The following ISM2 variants were observed in gnomAD, a reference collection of about 807,000 sequenced individuals.
ISM2 encodes isthmin-2.
Under a neutral mutation model 58.0 loss-of-function variants are expected in ISM2, and 50 were observed. That is an observed-to-expected ratio of 0.86 (90% CI 0.69 to 1.09). The LOEUF is 1.09. Among genes scored for constraint, ISM2 ranks in the 50% least tolerant of loss-of-function variants. The pLI is 0.00. For missense variants in ISM2, 723 were observed against 745.0 expected, an observed-to-expected ratio of 0.97 and a Z score of 0.34; for synonymous variants, 303 against 312.4, an observed-to-expected ratio of 0.97 and a Z score of 0.32.
At chr14:77,496,844 G>C (rs544514643) in intron 1 of ISM2, among the ~76,000 whole-genome samples, 3 of 145,546 alleles carry the variant, frequency 2.1e-5, no homozygotes, top group African/African-American at 5.1e-5. Context: ...AAATTCATGG[G>C]GAGTGGGGAC....
chr14:77,486,975 C>A (rs1594951549), intron 1 of ISM2, among the ~76,000 whole-genome samples: 1 of 151,880 alleles, frequency 6.6e-6, no homozygotes, highest in Non-Finnish European at 1.5e-5. Flanking sequence ...GGCACGGTGG[C>A]TCACGCCTGT....
At chr14:77,491,314 C>A (rs1052918048) in intron 1 of ISM2, among the ~76,000 whole-genome samples, 1 of 152,240 alleles carries the variant, frequency 6.6e-6, no homozygotes, top group Admixed American at 6.5e-5. Flanking sequence ...CAGCACAAAC[C>A]ACCCCCATCC....
chr14:77,482,353 C>G lies in ISM2; in HGVS notation c.942G>C (p.Gly314=), dbSNP rs563368994. ...DNWDQGWLAP[G]DWVFKDSVSY... ...TGACAGAATCCTTGAAGACCCAATCCCCGGGGGCCAGCCAGCCCTGGTCCC... is the reference window on the plus strand; with the variant it reads ...TGACAGAATCCTTGAAGACCCAATCGCCGGGGGCCAGCCAGCCCTGGTCCC... Residue 314 remains glycine (G), a synonymous_variant, in exon 4 of 7, where the codon GGG becomes GGC. Coordinates refer to ENST00000342219, the MANE Select transcript of ISM2 (RefSeq NM_199296.3). 1.2e-6 allele frequency: 2 copies of G among 1,613,860 alleles called. No individual in the cohort carries two copies. The highest frequency in any genetic ancestry group is 1.7e-5 in the Admixed American group (1 of 60,002).
intron 3 of ISM2, 60 bp downstream of exon 3, chr14:77,484,263 T>C (rs2079151473): frequency 6.3e-7 from 1 of 1,575,050 alleles, no homozygotes; most frequent in Non-Finnish European, 8.6e-7. Context: ...TGAGCCCACC[T>C]TGTCAGCCCC....
chr14:77,486,027 A>G (rs2079165516), intron 1 of ISM2, among the ~76,000 whole-genome samples: 1 of 152,192 alleles, frequency 6.6e-6, no homozygotes, highest in Non-Finnish European at 1.5e-5. Context: ...TAAACACTTC[A>G]TCACTCATTT....
intron 4 of ISM2, among the ~76,000 whole-genome samples, chr14:77,480,332 AC>A (rs1234817883): frequency 1.3e-5 from 2 of 150,820 alleles, no homozygotes; most frequent in Non-Finnish European, 3.0e-5. Flanking sequence ...TTTCCCTGCT[AC>A]CCATATTAGG....
In ISM2 at chr14:77,474,471, C is replaced by T. The variant is rs1414550983; in HGVS notation, c.*1124G>A. ...CATCTGGGGGCTAGGACTGAAGTCC[C>T]CTAACTTTTGGTGGCTCTTGTGAAC... is the stretch of plus-strand genomic sequence containing the variant. On this transcript the variant is annotated 3_prime_UTR_variant, in exon 7 of 7. Transcript: ENST00000342219. The T allele has an allele frequency of 2.0e-5, 3 of 152,158 alleles. No individual in the cohort carries two copies. The highest frequency in any genetic ancestry group is 2.9e-5 in the Non-Finnish European group (2 of 68,036). 9.4% of individuals were successfully genotyped at this position (152,158 alleles called of 1,614,324 possible). A position where few individuals can be genotyped will look rare whatever the true frequency, so the allele number is the denominator to read the frequency against.
chr14:77,481,076 A>C (rs2079129319), intron 4 of ISM2, among the ~76,000 whole-genome samples: 1 of 151,890 alleles, frequency 6.6e-6, no homozygotes, highest in South Asian at 2.1e-4. Flanking sequence ...ACGGTGGCTC[A>C]TGCCTGTAAT....
intron 1 of ISM2, among the ~76,000 whole-genome samples, chr14:77,490,670 A>G (rs1368738749): frequency 6.6e-6 from 1 of 152,202 alleles, no homozygotes; most frequent in East Asian, 1.9e-4. Context: ...GCGGTGCTGA[A>G]TGTGCTGGAT....
At chr14:77,496,162 C>A (rs2079238399) in intron 1 of ISM2, among the ~76,000 whole-genome samples, 1 of 147,296 alleles carries the variant, frequency 6.8e-6, no homozygotes, top group African/African-American at 2.5e-5. Context: ...ATGCAGTGAG[C>A]CGAGATTGAG....
At chr14:77,497,781 A>C (rs370464824) in intron 1 of ISM2, among the ~76,000 whole-genome samples, 1 of 97,402 alleles carries the variant, frequency 1.0e-5, no homozygotes. Context: ...GAAGGAAGGA[A>C]GGAAGGAAGG....
In ISM2 at chr14:77,475,646, G is replaced by A. The variant is rs763077922; in HGVS notation, c.1665C>T (p.Asn555=). The change falls in exon 7 of 7, where the codon AAC becomes AAT. Residue 555 remains asparagine (N), a synonymous_variant. Transcript: ENST00000342219. This position sits in a 1 kb window ranked among gnomAD's most constrained non-coding sequence, Gnocchi z 4.1. ...GTGCTAGGTACTCCTCCTCCAGGGG[G>A]TTGTCGGTGCAGGCTCGGCCGTTGT... The part of the protein sequence containing the change: ...PPNNGRACTD[N]PLEEEYLAQL... 4.3e-6 allele frequency: 7 copies of A among 1,611,932 alleles called. No homozygotes were observed. Among genetic ancestry groups the A allele is most frequent in the Non-Finnish European group, 4.2e-6 (5 of 1,178,744 alleles).
chr14:77,478,194 A>C, intron 6 of ISM2, 48 bp downstream of exon 6: 2 of 1,492,494 alleles, frequency 1.3e-6, no homozygotes, highest in East Asian at 2.3e-5. Flanking sequence ...CCCTCCCCTG[A>C]GAGCTCGTTC....
At chr14:77,480,109 A>G (rs1361091973) in intron 4 of ISM2, among the ~76,000 whole-genome samples, 1 of 152,058 alleles carries the variant, frequency 6.6e-6, no homozygotes, top group East Asian at 1.9e-4. Flanking sequence ...GCTTAAACTC[A>G]GGAGTTCGAG....
Position 77,475,306 on chromosome 14 carries a change from T to TCCCAGCAGGCAGCAGAGGGAGGC in ISM2, c.*266_*288dup, listed in dbSNP as rs2139950815. 3.8e-6 allele frequency: 1 copy of TCCCAGCAGGCAGCAGAGGGAGGC among 264,828 alleles called. No homozygotes were observed. Among genetic ancestry groups the TCCCAGCAGGCAGCAGAGGGAGGC allele is most frequent in the East Asian group, 7.3e-5 (1 of 13,710 alleles). The allele number at this position is 264,828 out of a possible 1,614,324, so 16.4% of individuals were successfully genotyped here. On this transcript the variant is annotated 3_prime_UTR_variant, in exon 7 of 7. Transcript: ENST00000342219. This position sits in a 1 kb window ranked among gnomAD's most constrained non-coding sequence, Gnocchi z 4.1. ...GGAGGAGAAAAATGAGTGGCCAGGG[T>TCCCAGCAGGCAGCAGAGGGAGGC]CCCAGCAGGCAGCAGAGGGAGGCCC...
chr14:77,488,537 TC>T (rs1208108372), intron 1 of ISM2, among the ~76,000 whole-genome samples: 2 of 152,204 alleles, frequency 1.3e-5, no homozygotes, highest in African/African-American at 4.8e-5. Flanking sequence ...TGACCGGGGT[TC>T]AATCCCAACA....
chr14:77,491,372 C>T (rs2079202818), intron 1 of ISM2, among the ~76,000 whole-genome samples: 1 of 152,236 alleles, frequency 6.6e-6, no homozygotes, highest in African/African-American at 2.4e-5. Flanking sequence ...AGTCCTCTCT[C>T]AGGTCTCCTC....
chr14:77,496,968 A>T (rs1264361587), intron 1 of ISM2, among the ~76,000 whole-genome samples: 1 of 151,896 alleles, frequency 6.6e-6, no homozygotes, highest in African/African-American at 2.4e-5. Context: ...CGGCCTTTGG[A>T]GGGTTTCAGC....
intron 1 of ISM2, among the ~76,000 whole-genome samples, chr14:77,492,309 T>G (rs1201169629): frequency 1.3e-5 from 2 of 152,164 alleles, no homozygotes; most frequent in Non-Finnish European, 2.9e-5. Context: ...TAAGCAAAAC[T>G]GAGTGGGGAT....
Sources: gnomAD v4.1 joint callset for allele counts (sites outside exome capture counted in the v4.1 genomes callset) on GRCh38, gnomAD v4.1.1 for gene constraint, Gnocchi (gnomAD v3.1) non-coding constraint, MANE v1.5 for transcripts, NCBI Gene and HGNC (gene_info 2026-07-23, HGNC 2026-07-21) for gene names.